The following NCAM2 variants were observed in gnomAD, a reference collection of about 807,000 sequenced individuals.
The protein encoded by NCAM2 is N-CAM-2.
In NCAM2, 30 loss-of-function variants were observed where a neutral mutation model predicts 98.1. The observed-to-expected ratio is 0.31, with a 90% CI of 0.23 to 0.41. The LOEUF is 0.41. Among genes scored for constraint, NCAM2 ranks in the 10% least tolerant of loss-of-function variants. The pLI is 1.00. For missense variants in NCAM2, 867 were observed against 1,005.8 expected (o/e 0.86, Z 1.87); for synonymous variants, 368 against 342.4 (o/e 1.07, Z -0.83).
At chr21:21,063,032 C>CA (rs2065353897) in intron 1 of NCAM2, among the ~76,000 whole-genome samples, 1 of 151,876 alleles carries the variant, frequency 6.6e-6, no homozygotes, top group South Asian at 2.1e-4. Context: ...TAACACAAAA[C>CA]AAAAAATCTG....
chr21:21,042,700 T>C (rs551013635), intron 1 of NCAM2, among the ~76,000 whole-genome samples: 142 of 152,294 alleles, frequency 9.3e-4, no homozygotes, highest in African/African-American at 3.3e-3. Flanking sequence ...GCATCTGTTA[T>C]ACAGTGTTTA....
intron 1 of NCAM2, among the ~76,000 whole-genome samples, chr21:21,153,823 T>G (rs747289369): frequency 1.8e-4 from 28 of 151,904 alleles, no homozygotes; most frequent in Non-Finnish European, 3.4e-4. Flanking sequence ...GTTTAGATCA[T>G]TCTGAAAGCA....
intron 15 of NCAM2, among the ~76,000 whole-genome samples, chr21:21,485,093 A>C (rs1821545592): frequency 6.6e-6 from 1 of 152,160 alleles, no homozygotes. Flanking sequence ...TATATAAAAC[A>C]TAAGCATTAT....
intron 12 of NCAM2, among the ~76,000 whole-genome samples, chr21:21,461,194 T>C (rs1459328348): frequency 6.6e-6 from 1 of 151,940 alleles, no homozygotes; most frequent in Non-Finnish European, 1.5e-5. Flanking sequence ...TAAATAATTT[T>C]ACGTATACTA....
At chr21:21,537,019 A>G (rs929765089) in intron 17 of NCAM2, among the ~76,000 whole-genome samples, 2 of 152,164 alleles carry the variant, frequency 1.3e-5, no homozygotes, top group South Asian at 4.1e-4. Context: ...AGCAAGTCCT[A>G]AAATATGTTC....
intron 8 of NCAM2, among the ~76,000 whole-genome samples, chr21:21,372,744 C>A (rs1376237493): frequency 1.3e-5 from 2 of 151,692 alleles, no homozygotes; most frequent in African/African-American, 4.8e-5. Flanking sequence ...CACTTGGGCA[C>A]AGTGTCTGTT....
chr21:21,139,688 G>A (rs2067127866), intron 1 of NCAM2, among the ~76,000 whole-genome samples: 1 of 152,156 alleles, frequency 6.6e-6, no homozygotes, highest in Admixed American at 6.5e-5. Context: ...TAAATTGTTT[G>A]AAAATATGTG....
chr21:21,410,128 G>A (rs2076825973), intron 9 of NCAM2, 146 bp from the exon 10 acceptor site: 3 of 452,446 alleles, frequency 6.6e-6, no homozygotes, highest in South Asian at 5.7e-5. Context: ...GCGAGACTCC[G>A]TCTCAAAAAG....
At chr21:21,083,478 T>C (rs914951089) in intron 1 of NCAM2, among the ~76,000 whole-genome samples, 6 of 151,688 alleles carry the variant, frequency 4.0e-5, no homozygotes, top group Non-Finnish European at 8.8e-5. Context: ...TGGAGTGCAG[T>C]GGTGTGATCT....
intron 8 of NCAM2, among the ~76,000 whole-genome samples, chr21:21,350,672 A>G (rs1300205956): frequency 6.6e-6 from 1 of 152,200 alleles, no homozygotes; most frequent in Non-Finnish European, 1.5e-5. Flanking sequence ...TAAACTAATG[A>G]CTATTGTTAT....
At chr21:21,042,782 A>G (rs1188545928) in intron 1 of NCAM2, among the ~76,000 whole-genome samples, 2 of 152,186 alleles carry the variant, frequency 1.3e-5, no homozygotes, top group East Asian at 3.9e-4. Flanking sequence ...AACAGAATGC[A>G]AGAGTTGTGT....
intron 9 of NCAM2, among the ~76,000 whole-genome samples, chr21:21,378,034 A>G (rs752337782): frequency 2.0e-5 from 3 of 152,048 alleles, no homozygotes; most frequent in Non-Finnish European, 2.9e-5. Context: ...TAAATGCTCA[A>G]TAGTATTCCA....
intron 5 of NCAM2, among the ~76,000 whole-genome samples, chr21:21,319,533 C>G (rs1025014963): frequency 1.3e-5 from 2 of 152,052 alleles, no homozygotes; most frequent in African/African-American, 4.8e-5. Flanking sequence ...CCCAGCTGCT[C>G]AGGAGGCTGA....
chr21:21,433,333 G>T (rs967644705), intron 12 of NCAM2, among the ~76,000 whole-genome samples: 11 of 152,092 alleles, frequency 7.2e-5, no homozygotes, highest in African/African-American at 2.7e-4. Context: ...TAAAGACAGT[G>T]CCCCCCAAAA....
chr21:21,466,611 G>C lies in NCAM2; in HGVS notation c.1660G>C (p.Val554Leu), dbSNP rs1409272548. Residue 554 changes from valine to leucine, a missense_variant, in exon 13 of 18, where the codon GTT becomes CTT. Coordinates refer to ENST00000400546, the MANE Select transcript of NCAM2 (RefSeq NM_004540.5). ...TTGTTTTGTTTTTCTTCTAGCAATG[G>C]TTGTTTTGAACAACCTGGAACCAAA... ...IVRSHGVQTM[V>L]VLNNLEPNTT... 1 of 1,586,490 alleles carries C rather than the reference G, an allele frequency of 6.3e-7. No individual in the cohort carries two copies. The highest frequency in any genetic ancestry group is 1.8e-5 in the Admixed American group (1 of 56,664).
intron 12 of NCAM2, among the ~76,000 whole-genome samples, chr21:21,452,184 A>G (rs910724250): frequency 1.3e-5 from 2 of 150,264 alleles, no homozygotes; most frequent in African/African-American, 4.9e-5. Context: ...ACACACACAC[A>G]CACACACACA....
chr21:21,349,442 G>T (rs1335652892), intron 8 of NCAM2, among the ~76,000 whole-genome samples: 1 of 152,110 alleles, frequency 6.6e-6, no homozygotes, highest in African/African-American at 2.4e-5. Flanking sequence ...ATGCTGACAA[G>T]GACGTATAGA....
At chr21:21,438,299 A>T (rs1442107708) in intron 12 of NCAM2, among the ~76,000 whole-genome samples, 1 of 151,984 alleles carries the variant, frequency 6.6e-6, no homozygotes, top group East Asian at 1.9e-4. Context: ...TTTAAGATGA[A>T]TATTGTAGCA....
chr21:21,440,563 C>T (rs1334632607), intron 12 of NCAM2, among the ~76,000 whole-genome samples: 1 of 151,920 alleles, frequency 6.6e-6, no homozygotes, highest in Non-Finnish European at 1.5e-5. Context: ...CGCCTGTGGT[C>T]CCAGCTACTC....
Sources: gnomAD v4.1 joint callset for allele counts (sites outside exome capture counted in the v4.1 genomes callset) on GRCh38, gnomAD v4.1.1 for gene constraint, MANE v1.5 for transcripts, NCBI Gene and HGNC (gene_info 2026-07-23, HGNC 2026-07-21) for gene names.